The following KIRREL3 variants were observed in gnomAD, a reference collection of about 807,000 sequenced individuals.
The protein encoded by KIRREL3 is kirre like nephrin family adhesion molecule 3.
Under a neutral mutation model 89.7 loss-of-function variants are expected in KIRREL3, and 36 were observed. That is an observed-to-expected ratio of 0.40 (90% CI 0.31 to 0.53). The LOEUF is 0.53. KIRREL3 is among the 20% of genes least tolerant of loss of function. The pLI, the probability that KIRREL3 is intolerant of heterozygous loss-of-function variation, is 0.49. For missense variants in KIRREL3, 864 were observed against 1,056.6 expected (o/e 0.82, Z 2.53); for synonymous variants, 445 against 441.4 (o/e 1.01, Z -0.10).
rs1419229725 is a variant in KIRREL3 at position 126,750,928 on chromosome 11, A to C, written c.56-188016T>G. 1.3e-5 allele frequency among the ~76,000 whole-genome samples: 2 copies of C among 152,226 alleles called. No homozygotes were observed. Among genetic ancestry groups the C allele is most frequent in the African/African-American group, 4.8e-5 (2 of 41,460 alleles). On this transcript the variant is annotated intron_variant, in intron 1 of 16. Transcript: ENST00000525144. The surrounding 1 kb of genome is among the most constrained non-coding windows in gnomAD (Gnocchi z 4.2). ...CAGGGCACCTCTCCCTAAGGTGCTA[A>C]ACACATTTATAGATTTTTATAAATC... is the stretch of plus-strand genomic sequence containing the variant.
At chr11:126,718,854 G>C (rs915975013) in intron 1 of KIRREL3, among the ~76,000 whole-genome samples, 1 of 152,108 alleles carries the variant, frequency 6.6e-6, no homozygotes, top group African/African-American at 2.4e-5. Flanking sequence ...GGGCCTCACT[G>C]AGTCTTTCTG....
intron 1 of KIRREL3, among the ~76,000 whole-genome samples, chr11:126,835,674 A>G (rs1407012047): frequency 6.6e-6 from 1 of 152,218 alleles, no homozygotes; most frequent in African/African-American, 2.4e-5. Context: ...ATTCTACATG[A>G]AGGAGTGTAC....
chr11:126,875,312 A>G (rs575755863), intron 1 of KIRREL3, among the ~76,000 whole-genome samples: 1 of 152,326 alleles, frequency 6.6e-6, no homozygotes, highest in East Asian at 1.9e-4. Context: ...TCCCCTAGTG[A>G]AAAACGAGAG....
At chr11:126,910,948 T>A (rs561382711) in intron 1 of KIRREL3, among the ~76,000 whole-genome samples, 71 of 152,290 alleles carry the variant, frequency 4.7e-4, no homozygotes, top group African/African-American at 1.7e-3. Context: ...GAAAGACAGA[T>A]GTTCTCATTG....
rs1712492845 is a variant in KIRREL3 at position 126,575,236 on chromosome 11, G to A, written c.56-12324C>T. 2.0e-5 allele frequency among the ~76,000 whole-genome samples: 3 copies of A among 152,210 alleles called. No individual in the cohort carries two copies. Among genetic ancestry groups the A allele is most frequent in the South Asian group, 2.1e-4 (1 of 4,820 alleles). On this transcript the variant is annotated intron_variant, in intron 1 of 16. Coordinates refer to ENST00000525144, the MANE Select transcript of KIRREL3 (RefSeq NM_032531.4). This position sits in a 1 kb window ranked among gnomAD's most constrained non-coding sequence, Gnocchi z 7.0. Reference sequence around the variant, plus strand: ...TGGCTTGAAGCTTTGGACAGTCGGGGCAGGTTCTCTCTTGGCTCCTGAGGC... The same window carrying A: ...TGGCTTGAAGCTTTGGACAGTCGGGACAGGTTCTCTCTTGGCTCCTGAGGC...
chr11:126,470,697 T>C (rs960808452), intron 5 of KIRREL3, among the ~76,000 whole-genome samples: 1 of 152,220 alleles, frequency 6.6e-6, no homozygotes, highest in Non-Finnish European at 1.5e-5. Flanking sequence ...GCGGGCGTTC[T>C]GGAGGCTGGG....
chr11:126,424,181 G>A lies in KIRREL3; in HGVS notation c.*399C>T, dbSNP rs919056625. ...GAGCACAGGCACAGGGGTAGGTAGAGCTTCTGGTCAGCGAGGGGTAGAGCC... is the reference window on the plus strand; with the variant it reads ...GAGCACAGGCACAGGGGTAGGTAGAACTTCTGGTCAGCGAGGGGTAGAGCC... On this transcript the variant is annotated 3_prime_UTR_variant, in exon 17 of 17. Coordinates refer to ENST00000525144, the MANE Select transcript of KIRREL3 (RefSeq NM_032531.4). 1.9e-5 allele frequency: 5 copies of A among 266,938 alleles called. No homozygotes were observed. In the South Asian group the frequency reaches 2.0e-4, roughly 11 times the overall value. 16.5% of individuals were successfully genotyped at this position (266,938 alleles called of 1,614,324 possible). A position where few individuals can be genotyped will look rare whatever the true frequency, so the allele number is the denominator to read the frequency against.
intron 1 of KIRREL3, among the ~76,000 whole-genome samples, chr11:126,851,871 C>T (rs1265433308): frequency 3.3e-5 from 5 of 151,998 alleles, no homozygotes; most frequent in African/African-American, 1.2e-4. Flanking sequence ...TATAAACAAG[C>T]CGGGCAACTC....
rs1050525883 is a variant in KIRREL3, at chr11:126,770,406, G to T, written c.56-207494C>A. ...CACTACAGTCGCAGCGACACTGGGG[G>T]TCAGTGAGTGGGTTGAGAGAGCTCA... On this transcript the variant is annotated intron_variant, in intron 1 of 16. Transcript: ENST00000525144. 3.9e-5 allele frequency among the ~76,000 whole-genome samples: 6 copies of T among 152,304 alleles called. No homozygotes were observed. In the South Asian group the frequency reaches 1.2e-3, roughly 32 times the overall value.
chr11:126,827,684 C>T (rs1943464475), intron 1 of KIRREL3, among the ~76,000 whole-genome samples: 2 of 152,182 alleles, frequency 1.3e-5, no homozygotes, highest in African/African-American at 2.4e-5. Flanking sequence ...AAGTGACTGC[C>T]TTAAAGTCGA....
intron 7 of KIRREL3, 87 bp from the exon 8 acceptor site, chr11:126,449,244 G>A: frequency 2.7e-6 from 4 of 1,496,176 alleles, no homozygotes; most frequent in Non-Finnish European, 3.7e-6. Flanking sequence ...ATGGAAAAAT[G>A]AGGCCTGGGT....
Position 126,475,112 on chromosome 11 carries a change from A to G in KIRREL3, c.434-1646T>C, listed in dbSNP as rs1358240950. On this transcript the variant is annotated intron_variant, in intron 4 of 16. Transcript: ENST00000525144. This position sits in a 1 kb window ranked among gnomAD's most constrained non-coding sequence, Gnocchi z 7.5. The stretch of plus-strand genomic sequence containing the variant: ...CAGCAAACACAGAAGGGGTAGTTGG[A>G]TAACGGGGGCGTGGGAACCTAGCAC... Among the ~76,000 whole-genome samples the G allele has an allele frequency of 6.6e-6, 1 of 152,200 alleles. No homozygotes were observed. The highest frequency in any genetic ancestry group is 1.9e-4 in the East Asian group (1 of 5,194).
rs866425134 is a variant in KIRREL3, at chr11:126,454,155, C to T, written c.848+2194G>A. On this transcript the variant is annotated intron_variant, in intron 7 of 16. Transcript: ENST00000525144. This position sits in a 1 kb window ranked among gnomAD's most constrained non-coding sequence, Gnocchi z 5.8. Reference sequence around the variant, plus strand: ...GTGCTTTGCGGAGACCTCTCCTCTCCTCCCACCTTCTTCTCTTTCCTATTA... The same window carrying T: ...GTGCTTTGCGGAGACCTCTCCTCTCTTCCCACCTTCTTCTCTTTCCTATTA... Among the ~76,000 whole-genome samples the T allele has an allele frequency of 1.5e-4, 22 of 146,270 alleles. No homozygotes were observed. The South Asian group carries it at 2.1e-3, about 14-fold the overall frequency.
intron 4 of KIRREL3, among the ~76,000 whole-genome samples, chr11:126,483,449 T>G (rs1010841186): frequency 2.0e-5 from 3 of 152,358 alleles, no homozygotes; most frequent in African/African-American, 4.8e-5. Flanking sequence ...TTTTCTCCCC[T>G]GCAGCAGCAA....
chr11:126,548,016 G>T (rs1452980818), intron 2 of KIRREL3, among the ~76,000 whole-genome samples: 2 of 152,152 alleles, frequency 1.3e-5, no homozygotes, highest in Non-Finnish European at 2.9e-5. Context: ...GTGAGGATTA[G>T]ATGGTGCAAG....
At chr11:126,858,980 CT>C (rs1944623722) in intron 1 of KIRREL3, among the ~76,000 whole-genome samples, 1 of 152,218 alleles carries the variant, frequency 6.6e-6, no homozygotes, top group Non-Finnish European at 1.5e-5. Context: ...GTGGCAGCCG[CT>C]GAGGGATGAG....
chr11:126,868,677 T>C (rs935285177), intron 1 of KIRREL3, among the ~76,000 whole-genome samples: 1 of 152,184 alleles, frequency 6.6e-6, no homozygotes, highest in African/African-American at 2.4e-5. Flanking sequence ...TGTTATTGTC[T>C]CTGATGCTGT....
In KIRREL3 at chr11:126,668,701, CT is replaced by C. The variant is rs1313993423; in HGVS notation, c.56-105790del. ...TGTTGGGAAGTTTCTGTTTTTCTTT[CT>C]TTCTTTCTTTCTTTCTTTCTTTCTT... On this transcript the variant is annotated intron_variant, in intron 1 of 16. Coordinates refer to ENST00000525144, the MANE Select transcript of KIRREL3 (RefSeq NM_032531.4). The surrounding 1 kb of genome is among the most constrained non-coding windows in gnomAD (Gnocchi z 4.4). Among the ~76,000 whole-genome samples, 1 of 59,754 alleles carries C rather than the reference CT, an allele frequency of 1.7e-5. No homozygotes were observed. Among genetic ancestry groups the C allele is most frequent in the Non-Finnish European group, 3.9e-5 (1 of 25,526 alleles). 39.2% of individuals were successfully genotyped at this position (59,754 alleles called of 152,430 possible). A position where few individuals can be genotyped will look rare whatever the true frequency, so the allele number is the denominator to read the frequency against.
intron 1 of KIRREL3, among the ~76,000 whole-genome samples, chr11:126,961,849 A>G (rs1409326910): frequency 6.6e-6 from 1 of 152,242 alleles, no homozygotes; most frequent in East Asian, 1.9e-4. Flanking sequence ...ATAACTGGTG[A>G]CTTTAAGTTA....
Sources: gnomAD v4.1 joint callset for allele counts (sites outside exome capture counted in the v4.1 genomes callset) on GRCh38, gnomAD v4.1.1 for gene constraint, Gnocchi (gnomAD v3.1) non-coding constraint, MANE v1.5 for transcripts, NCBI Gene and HGNC (gene_info 2026-07-23, HGNC 2026-07-21) for gene names.